Variants in RAD51B observed in about 807,000 individuals in gnomAD.
The protein encoded by RAD51B is RAD51 paralog B, also known as DNA repair protein RAD51 homolog 2.
RAD51B carries 38 observed loss-of-function variants against 42.2 expected under a neutral mutation model. The ratio of observed to expected loss-of-function variants is 0.90; its 90% CI spans 0.70 to 1.18. RAD51B has a LOEUF of 1.18. Ranked by LOEUF, RAD51B falls within the 50% of genes most tolerant of loss-of-function variation. The pLI is 0.00. For missense variants in RAD51B, 373 were observed against 400.7 expected (o/e 0.93, Z 0.59); for synonymous variants, 154 against 145.2 (o/e 1.06, Z -0.43).
Position 68,536,020 on chromosome 14 carries a change from A to G in RAD51B, c.1037-58465A>G, listed in dbSNP as rs141699581. 6.3e-4 allele frequency among the ~76,000 whole-genome samples: 96 copies of G among 152,350 alleles called. 1 individual carries two copies. The East Asian group carries it at 0.016, about 25-fold the overall frequency. ...AGGATTGAGGGAAGGCTGAAGAAGC[A>G]GTCTTAGAAATGGGTAAGAAGCAGG... is the stretch of plus-strand genomic sequence containing the variant. On this transcript the variant is annotated intron_variant, in intron 10 of 10. Transcript: ENST00000487270.
chr14:68,433,540 G>T (rs545276345), intron 9 of RAD51B, among the ~76,000 whole-genome samples: 1 of 152,110 alleles, frequency 6.6e-6, no homozygotes, highest in Non-Finnish European at 1.5e-5. Context: ...TGATCGACTC[G>T]GCTCCTGAAG....
chr14:68,159,664 C>G (rs528450751), intron 7 of RAD51B, among the ~76,000 whole-genome samples: 1 of 151,728 alleles, frequency 6.6e-6, no homozygotes, highest in African/African-American at 2.4e-5. Flanking sequence ...ACCCTGAACA[C>G]AGACATTTTA....
chr14:68,385,552 C>T (rs115390586), intron 8 of RAD51B, among the ~76,000 whole-genome samples: 4 of 152,280 alleles, frequency 2.6e-5, no homozygotes, highest in East Asian at 1.9e-4. Context: ...CAAGACTATA[C>T]GAGAAGGGCA....
rs188198574 is a variant in RAD51B, at chr14:67,979,501, G to A, written c.756+92297G>A. Among the ~76,000 whole-genome samples, 13 of 152,020 alleles carry A rather than the reference G, an allele frequency of 8.6e-5. No individual in the cohort carries two copies. In the East Asian group the frequency reaches 1.9e-3, roughly 23 times the overall value. Reference sequence around the variant, plus strand: ...TAGTCATTCTCCCTTTTAACACTGCGCTACTTGGTGCTACTAGGATAATCT... The same window carrying A: ...TAGTCATTCTCCCTTTTAACACTGCACTACTTGGTGCTACTAGGATAATCT... On this transcript the variant is annotated intron_variant, in intron 7 of 10. Transcript: ENST00000471583.
At chr14:68,523,878 A>G (rs1422388018) in intron 10 of RAD51B, among the ~76,000 whole-genome samples, 1 of 152,234 alleles carries the variant, frequency 6.6e-6, no homozygotes, top group Non-Finnish European at 1.5e-5. Context: ...GTATTCCTAT[A>G]AAGCAAAACA....
intron 7 of RAD51B, among the ~76,000 whole-genome samples, chr14:68,254,620 G>A (rs1397328738): frequency 6.6e-6 from 1 of 152,152 alleles, no homozygotes; most frequent in Non-Finnish European, 1.5e-5. Flanking sequence ...AATGCATTAA[G>A]AAGCACATTC....
At chr14:68,066,317 A>T (rs2076649232) in intron 7 of RAD51B, among the ~76,000 whole-genome samples, 1 of 149,932 alleles carries the variant, frequency 6.7e-6, no homozygotes, top group Admixed American at 6.6e-5. Context: ...ATTTGGTAAA[A>T]TTTAAAAAAA....
At chr14:68,586,592 G>C (rs1890492526) in intron 10 of RAD51B, among the ~76,000 whole-genome samples, 1 of 152,200 alleles carries the variant, frequency 6.6e-6, no homozygotes, top group African/African-American at 2.4e-5. Flanking sequence ...AGTAGGGCCA[G>C]GTGTCATGCT....
chr14:68,095,971 C>CAAAAAAA (rs56862052), intron 7 of RAD51B, among the ~76,000 whole-genome samples: 58 of 62,518 alleles, frequency 9.3e-4, no homozygotes, highest in African/African-American at 1.5e-3. Context: ...GACTCCGTCT[C>CAAAAAAA]AAAAAAAAAA....
intron 7 of RAD51B, among the ~76,000 whole-genome samples, chr14:68,042,159 A>T (rs540692381): frequency 6.6e-6 from 1 of 152,334 alleles, no homozygotes; most frequent in South Asian, 2.1e-4. Context: ...TAAACACTGC[A>T]CCTGGCTCAT....
chr14:68,419,142 T>C (rs977445850), intron 9 of RAD51B, among the ~76,000 whole-genome samples: 1 of 152,218 alleles, frequency 6.6e-6, no homozygotes, highest in Non-Finnish European at 1.5e-5. Flanking sequence ...TGTTCTTCAG[T>C]TTCATACTCC....
At chr14:68,596,035 A>T (rs1271785701), downstream of RAD51B, 1 of 1,050,094 alleles carries the variant, frequency 9.5e-7, no homozygotes, top group Non-Finnish European at 1.2e-6. Context: ...AAAAAAGATT[A>T]TCTGAGAGAC....
At chr14:67,887,383 C>G (rs1595062923) in intron 7 of RAD51B, 179 bp downstream of exon 7, 10 of 478,592 alleles carry the variant, frequency 2.1e-5, no homozygotes, top group East Asian at 1.3e-4. Context: ...ATTAGCTCAT[C>G]TGCTGAGATT....
chr14:68,422,723 T>C (rs1021427896), intron 9 of RAD51B, among the ~76,000 whole-genome samples: 2 of 152,210 alleles, frequency 1.3e-5, no homozygotes, highest in African/African-American at 4.8e-5. Flanking sequence ...TGCTACACAT[T>C]ATCTGATGGG....
chr14:68,374,849 G>T (rs752236761), intron 8 of RAD51B, among the ~76,000 whole-genome samples: 1 of 150,844 alleles, frequency 6.6e-6, no homozygotes, highest in Admixed American at 6.6e-5. Flanking sequence ...TTTTACCTGC[G>T]CTGAGGGATC....
At chr14:68,339,052 C>T (rs897478452) in intron 8 of RAD51B, 4 of 670,422 alleles carry the variant, frequency 6.0e-6, no homozygotes, top group African/African-American at 3.5e-5. Context: ...GGATCGACAT[C>T]GTGTGCAGTC....
intron 7 of RAD51B, among the ~76,000 whole-genome samples, chr14:68,123,466 G>A (rs937624090): frequency 7.9e-5 from 12 of 151,938 alleles, no homozygotes; most frequent in East Asian, 5.8e-4. Flanking sequence ...TGTTGAGATC[G>A]CAGGCATGAG....
At chr14:68,181,708 C>G (rs1322557173) in intron 7 of RAD51B, among the ~76,000 whole-genome samples, 1 of 152,274 alleles carries the variant, frequency 6.6e-6, no homozygotes, top group East Asian at 1.9e-4. Flanking sequence ...CAACCATTTT[C>G]CATGTCTACA....
At chr14:68,078,916 G>A (rs2076874357) in intron 7 of RAD51B, among the ~76,000 whole-genome samples, 1 of 152,130 alleles carries the variant, frequency 6.6e-6, no homozygotes, top group Non-Finnish European at 1.5e-5. Context: ...CTTGAGCCTG[G>A]GAGGTTGAGG....
Sources: allele counts gnomAD v4.1 joint callset (sites outside exome capture counted in the v4.1 genomes callset), GRCh38; gene constraint gnomAD v4.1.1; transcripts MANE v1.5; gene names NCBI Gene and HGNC (gene_info 2026-07-23, HGNC 2026-07-21).